Variants in BTBD10 observed in about 807,000 individuals in gnomAD.
The protein encoded by BTBD10 is BTB/POZ domain-containing protein 10.
A neutral mutation model predicts 53.2 loss-of-function variants in BTBD10; 21 were observed. That is an observed-to-expected ratio of 0.39 (90% CI 0.28 to 0.57). BTBD10 has a LOEUF of 0.57. Among genes scored for constraint, BTBD10 ranks in the 20% least tolerant of loss-of-function variants. The pLI is 0.53. For missense variants in BTBD10, 360 were observed against 594.7 expected, an observed-to-expected ratio of 0.61 and a Z score of 4.10; for synonymous variants, 149 against 192.7, an observed-to-expected ratio of 0.77 and a Z score of 1.88.
chr11:13,428,779 T>C (rs1950394040), intron 2 of BTBD10, among the ~76,000 whole-genome samples: 1 of 152,132 alleles, frequency 6.6e-6, no homozygotes, highest in Non-Finnish European at 1.5e-5. Flanking sequence ...GTACTGAGGA[T>C]TATAGCCAGT....
intron 4 of BTBD10, among the ~76,000 whole-genome samples, 198 bp from the exon 5 acceptor site, chr11:13,417,458 A>G (rs1950141659): frequency 6.6e-6 from 1 of 152,330 alleles, no homozygotes; most frequent in East Asian, 1.9e-4. Context: ...GAACACTAGT[A>G]TAGATTTCCT....
rs555923645 is a variant in BTBD10, at chr11:13,413,761, A to T, written c.688-111T>A. On this transcript the variant is annotated intron_variant, in intron 5 of 8. Coordinates refer to ENST00000278174, the MANE Select transcript of BTBD10 (RefSeq NM_032320.7). ...TTCAGAAACAGTAGAGAACTCTGAC[A>T]TCTCTGAAATGTGGAAGTTTAAACT... 11 of 1,012,508 alleles carry T rather than the reference A, an allele frequency of 1.1e-5. No homozygotes were observed. The South Asian group carries it at 2.7e-4, about 25-fold the overall frequency. The allele number at this position is 1,012,508 out of a possible 1,614,324, so 62.7% of individuals were successfully genotyped here. A position where few individuals can be genotyped will look rare whatever the true frequency, so the allele number is the denominator to read the frequency against.
At chr11:13,398,413 C>G (rs1949616338) in intron 8 of BTBD10, among the ~76,000 whole-genome samples, 1 of 152,096 alleles carries the variant, frequency 6.6e-6, no homozygotes, top group African/African-American at 2.4e-5. Flanking sequence ...TCCTCCATCC[C>G]TTTATTTTGA....
chr11:13,412,226 G>A (rs1172113663), intron 6 of BTBD10, among the ~76,000 whole-genome samples: 2 of 152,096 alleles, frequency 1.3e-5, no homozygotes, highest in East Asian at 1.9e-4. Flanking sequence ...GACCGACGCA[G>A]GTGCATCATC....
intron 5 of BTBD10, among the ~76,000 whole-genome samples, chr11:13,415,355 C>T (rs1051333357): frequency 6.6e-6 from 1 of 152,164 alleles, no homozygotes; most frequent in African/African-American, 2.4e-5. Flanking sequence ...TGACAAACTG[C>T]ATCTGCCGCC....
At chr11:13,433,536 T>G (rs1290210079) in intron 2 of BTBD10, among the ~76,000 whole-genome samples, 1 of 152,260 alleles carries the variant, frequency 6.6e-6, no homozygotes, top group Admixed American at 6.5e-5. Flanking sequence ...TGACTTTATA[T>G]TAATATATTT....
chr11:13,427,022 C>T (rs1950351797), intron 2 of BTBD10, among the ~76,000 whole-genome samples: 1 of 152,078 alleles, frequency 6.6e-6, no homozygotes, highest in Non-Finnish European at 1.5e-5. Flanking sequence ...TCGAGACCAG[C>T]CTTTGGCAAC....
At chr11:13,401,954 G>C (rs1194460941) in intron 8 of BTBD10, among the ~76,000 whole-genome samples, 1 of 152,102 alleles carries the variant, frequency 6.6e-6, no homozygotes, top group South Asian at 2.1e-4. Context: ...TTTTGCACTT[G>C]CTATTTTCTC....
At chr11:13,410,530 C>A (rs1485263737) in intron 6 of BTBD10, among the ~76,000 whole-genome samples, 1 of 152,118 alleles carries the variant, frequency 6.6e-6, no homozygotes, top group Non-Finnish European at 1.5e-5. Flanking sequence ...GCCCCACGTC[C>A]AGGGAAATGC....
intron 4 of BTBD10, among the ~76,000 whole-genome samples, chr11:13,418,554 T>C (rs1234167629): frequency 6.6e-6 from 1 of 152,102 alleles, no homozygotes; most frequent in Non-Finnish European, 1.5e-5. Flanking sequence ...CAAAAAAGCC[T>C]ATAGTTCAAA....
At position 13,405,950 on chromosome 11, in the gene BTBD10, G is replaced by A. The variant is rs527664761; in HGVS notation, c.809-94C>T. 105 of 1,085,628 alleles carry A rather than the reference G, an allele frequency of 9.7e-5. No homozygotes were observed. In the South Asian group the frequency reaches 1.6e-3, roughly 16 times the overall value. 67.2% of individuals were successfully genotyped at this position (1,085,628 alleles called of 1,614,324 possible). A position where few individuals can be genotyped will look rare whatever the true frequency, so the allele number is the denominator to read the frequency against. ...CTCTTATAACAAGAAAGGCCAGGCA[G>A]CCTACATAGGCCCCCTCATTTTACA... On this transcript the variant is annotated intron_variant, in intron 6 of 8. Transcript: ENST00000278174.
chr11:13,388,697 A>G lies in BTBD10; in HGVS notation c.*134T>C. On this transcript the variant is annotated 3_prime_UTR_variant, in exon 9 of 9. Transcript: ENST00000278174. The stretch of plus-strand genomic sequence containing the variant: ...ATTCAGCTACCTTTGGTCTTTAAAA[A>G]AGCCTACACTGCAATATCCTAAACA... 2.0e-6 allele frequency: 2 copies of G among 986,842 alleles called. No homozygotes were observed. The highest frequency in any genetic ancestry group is 2.9e-6 in the Non-Finnish European group (2 of 682,914). The allele number at this position is 986,842 out of a possible 1,614,324, so 61.1% of individuals were successfully genotyped here.
chr11:13,388,939 C>T lies in BTBD10; in HGVS notation c.1320G>A (p.Leu440=), dbSNP rs374325248. ...CTTGTGGAGTTGGATGCATGACTAC[C>T]AGCTGGTCCTGGGGAATGTCTGCTG... The part of the protein sequence containing the change: ...AAAADIPQDQ[L]VVMHPTPQVD... The change falls in exon 9 of 9, where the codon CTG becomes CTA. Residue 440 remains leucine (L), a synonymous_variant. Transcript: ENST00000278174. 1 of 1,614,062 alleles carries T rather than the reference C, an allele frequency of 6.2e-7. No homozygotes were observed. Among genetic ancestry groups the T allele is most frequent in the African/African-American group, 1.3e-5 (1 of 74,920 alleles).
At chr11:13,393,270 C>T (rs975585062) in intron 8 of BTBD10, among the ~76,000 whole-genome samples, 4 of 152,130 alleles carry the variant, frequency 2.6e-5, no homozygotes, top group African/African-American at 9.7e-5. Flanking sequence ...TGAATACTTC[C>T]GGCCTTATAT....
intron 3 of BTBD10, among the ~76,000 whole-genome samples, chr11:13,420,352 A>C (rs1452110020): frequency 6.6e-6 from 1 of 152,132 alleles, no homozygotes; most frequent in African/African-American, 2.4e-5. Flanking sequence ...TACCAAATAA[A>C]GTGGCTTTAG....
chr11:13,431,377 C>A (rs547014563), intron 2 of BTBD10, among the ~76,000 whole-genome samples: 1 of 152,260 alleles, frequency 6.6e-6, no homozygotes, highest in East Asian at 1.9e-4. Context: ...CAAATTAGAA[C>A]CCTTAATCAT....
intron 5 of BTBD10, 31 bp from the exon 6 acceptor site, chr11:13,413,681 A>G (rs749161845): frequency 1.3e-6 from 2 of 1,595,580 alleles, no homozygotes; most frequent in Admixed American, 1.7e-5. Context: ...AAAGCATAAA[A>G]TATCTGGAGC....
At chr11:13,417,011 A>G in intron 5 of BTBD10, 147 bp downstream of exon 5, 1 of 549,906 alleles carries the variant, frequency 1.8e-6, no homozygotes, top group Non-Finnish European at 3.0e-6. Flanking sequence ...TAAACAAAAT[A>G]AAATAAAGAT....
intron 2 of BTBD10, chr11:13,440,098 C>T: frequency 6.6e-7 from 1 of 1,519,322 alleles, no homozygotes; most frequent in South Asian, 1.2e-5. Flanking sequence ...CCCTACCTCA[C>T]CTGTCCATAG....
Sources: gnomAD v4.1 joint callset for allele counts (sites outside exome capture counted in the v4.1 genomes callset) on GRCh38, gnomAD v4.1.1 for gene constraint, MANE v1.5 for transcripts, NCBI Gene and HGNC (gene_info 2026-07-23, HGNC 2026-07-21) for gene names.